METTL15: variants seen among roughly 807,000 people sequenced by gnomAD.
METTL15 encodes methyltransferase 15, mitochondrial 12S rRNA N4-cytidine.
A neutral mutation model predicts 38.3 loss-of-function variants in METTL15; 34 were observed. The observed-to-expected ratio is 0.89, with a 90% CI of 0.68 to 1.18. METTL15 has a LOEUF of 1.18. Among genes scored for constraint, METTL15 ranks in the 50% most tolerant of loss-of-function variants. METTL15 has a pLI of 0.00. For synonymous variants in METTL15, 162 were observed against 170.9 expected (o/e 0.95, Z 0.41); for missense variants, 438 against 498.4 (o/e 0.88, Z 1.15).
intron 6 of METTL15, among the ~76,000 whole-genome samples, chr11:28,461,036 A>G (rs1012029110): frequency 2.0e-5 from 3 of 152,120 alleles, no homozygotes; most frequent in African/African-American, 7.2e-5. Flanking sequence ...GTTAAGATGC[A>G]GAGACTCAAG....
chr11:28,391,483 A>G (rs528679966), intron 5 of METTL15, among the ~76,000 whole-genome samples: 68 of 152,010 alleles, frequency 4.5e-4, no homozygotes, highest in Non-Finnish European at 6.5e-4. Flanking sequence ...ATCTATTGAG[A>G]TAATCATGAG....
chr11:28,517,380 A>G (rs1455523844), intron 6 of METTL15: 1 of 151,834 alleles, frequency 6.6e-6, no homozygotes, highest in Non-Finnish European at 1.5e-5. Context: ...ATCCAATATG[A>G]TATGTCCTAA....
chr11:28,290,539 C>T, intron 5 of METTL15, 142 bp downstream of exon 5: 1 of 737,964 alleles, frequency 1.4e-6, no homozygotes, highest in Non-Finnish European at 2.2e-6. Flanking sequence ...CAGTTTGTTT[C>T]ATACTCATTA....
chr11:28,117,259 G>GTGTGTA (rs1353342377), intron 3 of METTL15, among the ~76,000 whole-genome samples: 3 of 108,582 alleles, frequency 2.8e-5, no homozygotes, highest in African/African-American at 1.1e-4. Context: ...GTGTGTGTGT[G>GTGTGTA]TATATATATA....
chr11:28,484,163 A>T (rs1299352090), intron 6 of METTL15, among the ~76,000 whole-genome samples: 1 of 152,202 alleles, frequency 6.6e-6, no homozygotes. Flanking sequence ...ATCTGGAATT[A>T]TTCTAGGTTC....
chr11:28,292,393 C>A (rs527980513), intron 5 of METTL15, among the ~76,000 whole-genome samples: 2 of 152,044 alleles, frequency 1.3e-5, no homozygotes, highest in East Asian at 3.9e-4. Flanking sequence ...TGAACTCATC[C>A]TTTTTTATGG....
chr11:28,129,266 AT>A (rs1333196231), intron 3 of METTL15, among the ~76,000 whole-genome samples: 1 of 152,162 alleles, frequency 6.6e-6, no homozygotes, highest in African/African-American at 2.4e-5. Flanking sequence ...AATTGTTTAG[AT>A]TTCCCCCAAT....
chr11:28,478,295 A>G (rs532862868), intron 6 of METTL15, among the ~76,000 whole-genome samples: 6 of 152,298 alleles, frequency 3.9e-5, no homozygotes, highest in Non-Finnish European at 7.4e-5. Context: ...AGCTCTGTTT[A>G]TATCCTAAAG....
intron 5 of METTL15, among the ~76,000 whole-genome samples, chr11:28,380,817 A>G (rs1271460199): frequency 1.4e-5 from 2 of 145,326 alleles, no homozygotes; most frequent in Non-Finnish European, 3.0e-5. Flanking sequence ...GCTTTGCTAG[A>G]TGTAGTATTA....
In METTL15 at chr11:28,124,138, A is replaced by G. The variant is rs116584503; in HGVS notation, c.270+10534A>G. ...TACTGGAACCATATAGTAATAAATG[A>G]CATTTTTTGGACTTGAATGCTTCTA... On this transcript the variant is annotated intron_variant, in intron 3 of 6. Transcript: ENST00000407364. Among the ~76,000 whole-genome samples, 367 of 152,236 alleles carry G rather than the reference A, an allele frequency of 2.4e-3. 3 individuals carry two copies. The highest frequency in any genetic ancestry group is 8.5e-3 in the African/African-American group (354 of 41,558).
intron 1 of METTL15, 53 bp downstream of exon 1, chr11:28,108,505 G>A (rs184715067): frequency 1.3e-5 from 2 of 152,666 alleles, no homozygotes; most frequent in African/African-American, 4.8e-5. Context: ...CTGCTAGGGG[G>A]AGAGGTGGAG....
downstream of METTL15, among the ~76,000 whole-genome samples, chr11:28,334,712 TGTTTG>T (rs1479047108): frequency 6.6e-6 from 1 of 152,160 alleles, no homozygotes; most frequent in African/African-American, 2.4e-5. Context: ...ATCCAACTAA[TGTTTG>T]GTAACACAGG....
At chr11:28,129,171 A>T (rs1852634061) in intron 3 of METTL15, among the ~76,000 whole-genome samples, 1 of 152,184 alleles carries the variant, frequency 6.6e-6, no homozygotes, top group South Asian at 2.1e-4. Context: ...CACTTGAGGA[A>T]TCTTTTAGAT....
intron 3 of METTL15, among the ~76,000 whole-genome samples, chr11:28,150,711 T>G (rs923909545): frequency 2.0e-5 from 3 of 151,934 alleles, no homozygotes; most frequent in Admixed American, 6.6e-5. Flanking sequence ...GTTATCAGTT[T>G]AGAAATCCTG....
chr11:28,399,764 T>A (rs566594979), intron 5 of METTL15, among the ~76,000 whole-genome samples: 1 of 151,990 alleles, frequency 6.6e-6, no homozygotes, highest in Non-Finnish European at 1.5e-5. Flanking sequence ...AAAAATAAAA[T>A]TTTAAAAAAT....
chr11:28,129,684 A>G (rs993856797), intron 3 of METTL15, among the ~76,000 whole-genome samples: 4 of 152,196 alleles, frequency 2.6e-5, no homozygotes, highest in African/African-American at 9.7e-5. Flanking sequence ...TGCTGGGATT[A>G]CAGGTGTGAG....
intron 3 of METTL15, among the ~76,000 whole-genome samples, chr11:28,151,682 C>T (rs189122173): frequency 1.2e-3 from 185 of 152,104 alleles, no homozygotes; most frequent in African/African-American, 4.4e-3. Context: ...TCTTAACTTG[C>T]CTGTTTCCTC....
chr11:28,262,628 A>G (rs1399821805), intron 4 of METTL15, among the ~76,000 whole-genome samples: 1 of 152,110 alleles, frequency 6.6e-6, no homozygotes, highest in Non-Finnish European at 1.5e-5. Flanking sequence ...CTCACTTTCT[A>G]GGTTAATCAG....
At chr11:28,321,037 C>G (rs926886238) in intron 6 of METTL15, among the ~76,000 whole-genome samples, 11 of 152,090 alleles carry the variant, frequency 7.2e-5, no homozygotes, top group African/African-American at 2.2e-4. Flanking sequence ...TTCAATAGCC[C>G]TTTATCTTAC....
Sources: gnomAD v4.1 joint callset for allele counts (sites outside exome capture counted in the v4.1 genomes callset) on GRCh38, gnomAD v4.1.1 for gene constraint, MANE v1.5 for transcripts, NCBI Gene and HGNC (gene_info 2026-07-23, HGNC 2026-07-21) for gene names.